The following FAM13C variants were observed in gnomAD, a reference collection of about 807,000 sequenced individuals.
FAM13C encodes family with sequence similarity 13 member C.
Under a neutral mutation model 73.2 loss-of-function variants are expected in FAM13C, and 37 were observed. That is an observed-to-expected ratio of 0.51 (90% CI 0.39 to 0.67). The LOEUF is 0.67. Among genes scored for constraint, FAM13C ranks in the 30% least tolerant of loss-of-function variants. The pLI, the probability that FAM13C is intolerant of heterozygous loss-of-function variation, is 0.00. For missense variants in FAM13C, 589 were observed against 715.6 expected, an observed-to-expected ratio of 0.82 and a Z score of 2.02; for synonymous variants, 246 against 260.9, an observed-to-expected ratio of 0.94 and a Z score of 0.55.
At chr10:59,312,097 G>A (rs1357474497) in intron 4 of FAM13C, among the ~76,000 whole-genome samples, 1 of 151,096 alleles carries the variant, frequency 6.6e-6, no homozygotes, top group East Asian at 2.0e-4. Context: ...GGCACAGAGT[G>A]TCACAAGTGA....
chr10:59,276,763 T>C (rs962494805), intron 6 of FAM13C, among the ~76,000 whole-genome samples: 8 of 152,210 alleles, frequency 5.3e-5, no homozygotes, highest in African/African-American at 1.9e-4. Flanking sequence ...GATATGAAAA[T>C]ATATCTGGGT....
intron 11 of FAM13C, chr10:59,253,611 G>C (rs1174874007): frequency 6.6e-6 from 1 of 152,336 alleles, no homozygotes; most frequent in African/African-American, 2.4e-5. Context: ...CTTCCATAAA[G>C]GGAAAATTCC....
At chr10:59,293,600 A>G (rs993763767) in intron 5 of FAM13C, among the ~76,000 whole-genome samples, 4 of 152,190 alleles carry the variant, frequency 2.6e-5, no homozygotes, top group Admixed American at 1.3e-4. Flanking sequence ...TCAAATACTA[A>G]TATTTTGTAA....
chr10:59,272,370 C>A (rs936028758), intron 6 of FAM13C, among the ~76,000 whole-genome samples: 13 of 152,212 alleles, frequency 8.5e-5, no homozygotes. Flanking sequence ...TTAATTAAAT[C>A]AGCTGACACA....
intron 3 of FAM13C, among the ~76,000 whole-genome samples, chr10:59,328,154 T>G (rs436207): frequency 0.46 from 70,083 of 152,082 alleles, 17,525 homozygotes; most frequent in African/African-American, 0.67. Flanking sequence ...CCATCAAATT[T>G]ACTACATTCT....
intron 5 of FAM13C, among the ~76,000 whole-genome samples, chr10:59,292,158 A>T (rs1162505752): frequency 2.6e-5 from 4 of 152,188 alleles, no homozygotes; most frequent in Admixed American, 2.0e-4. Flanking sequence ...TGAAAATACA[A>T]TGTGTCTCAC....
chr10:59,349,326 A>C (rs1854719458), intron 3 of FAM13C, among the ~76,000 whole-genome samples: 1 of 152,238 alleles, frequency 6.6e-6, no homozygotes, highest in Non-Finnish European at 1.5e-5. Context: ...CAGACACTTT[A>C]AACAATTGAC....
At position 59,267,168 on chromosome 10, in the gene FAM13C, C is replaced by A. The variant is rs117091104; in HGVS notation, c.942+1385G>T. On this transcript the variant is annotated intron_variant, in intron 8 of 13. Coordinates refer to ENST00000618804, the MANE Select transcript of FAM13C (RefSeq NM_198215.4). ...GTGTTAACAGGTGCTGGGAATGGAG[C>A]CCCTGGTTGTTACTCTGTATTTTCC... Among the ~76,000 whole-genome samples, 28 of 152,296 alleles carry A rather than the reference C, an allele frequency of 1.8e-4. 1 individual carries two copies. The East Asian group carries it at 5.2e-3, about 28-fold the overall frequency.
intron 1 of FAM13C, among the ~76,000 whole-genome samples, chr10:59,358,516 A>C (rs1855995863): frequency 6.6e-6 from 1 of 152,220 alleles, no homozygotes; most frequent in African/African-American, 2.4e-5. Context: ...CAGCTAATAG[A>C]TCACCTGAGC....
At chr10:59,355,520 C>T (rs879516533) in intron 2 of FAM13C, among the ~76,000 whole-genome samples, 15 of 152,158 alleles carry the variant, frequency 9.9e-5, no homozygotes, top group Non-Finnish European at 1.8e-4. Context: ...GGTTTTTCCA[C>T]GATACTATAA....
At chr10:59,252,270 C>G (rs1489128956) in intron 12 of FAM13C, among the ~76,000 whole-genome samples, 1 of 152,114 alleles carries the variant, frequency 6.6e-6, no homozygotes, top group Non-Finnish European at 1.5e-5. Flanking sequence ...TTCAGAGATT[C>G]TGTGAACTTG....
In FAM13C at chr10:59,361,462, A is replaced by G. The variant is rs185451511; in HGVS notation, c.62+937T>C. Among the ~76,000 whole-genome samples, 529 of 152,270 alleles carry G rather than the reference A, an allele frequency of 3.5e-3. 1 individual carries two copies. Among genetic ancestry groups the G allele is most frequent in the Admixed American group, 5.4e-3 (82 of 15,280 alleles). ...TAGTTAAGCCTTCTACATCAAACTC[A>G]TAACATTTTTTAAATGTAGTTGAGG... On this transcript the variant is annotated intron_variant, in intron 1 of 13. Transcript: ENST00000618804.
intron 5 of FAM13C, among the ~76,000 whole-genome samples, chr10:59,294,166 G>A (rs1435246381): frequency 1.3e-5 from 2 of 152,136 alleles, no homozygotes; most frequent in African/African-American, 2.4e-5. Flanking sequence ...TTATACTTTT[G>A]CCAAAAAGCA....
chr10:59,333,782 A>C (rs1415960654), intron 3 of FAM13C, among the ~76,000 whole-genome samples: 2 of 152,172 alleles, frequency 1.3e-5, no homozygotes, highest in Non-Finnish European at 2.9e-5. Flanking sequence ...AAAAATCCAA[A>C]TTTACCATCA....
intron 3 of FAM13C, among the ~76,000 whole-genome samples, chr10:59,348,064 C>T (rs548512126): frequency 1.3e-5 from 2 of 152,254 alleles, no homozygotes; most frequent in African/African-American, 4.8e-5. Context: ...TGAAGAGCCA[C>T]TCTGAGGTCC....
intron 5 of FAM13C, among the ~76,000 whole-genome samples, chr10:59,301,781 A>C (rs1847633336): frequency 6.6e-6 from 1 of 152,200 alleles, no homozygotes; most frequent in Non-Finnish European, 1.5e-5. Context: ...GCCTGTCTGT[A>C]TGCACACACA....
At chr10:59,293,069 CTTTTTTTT>C (rs148715812) in intron 5 of FAM13C, among the ~76,000 whole-genome samples, 1 of 109,538 alleles carries the variant, frequency 9.1e-6, no homozygotes, top group Non-Finnish European at 1.7e-5. Context: ...TTTTCTTTTT[CTTTTTTTT>C]TTTTTTTTTT....
At chr10:59,289,090 G>T (rs889956832) in intron 5 of FAM13C, among the ~76,000 whole-genome samples, 1 of 152,188 alleles carries the variant, frequency 6.6e-6, no homozygotes, top group East Asian at 1.9e-4. Flanking sequence ...GATTGTTTTG[G>T]GATGAAACTG....
intron 4 of FAM13C, among the ~76,000 whole-genome samples, chr10:59,304,200 T>C (rs1184977706): frequency 6.6e-6 from 1 of 152,072 alleles, no homozygotes; most frequent in Non-Finnish European, 1.5e-5. Flanking sequence ...TTTTATGAGG[T>C]TGCTTGGTTT....
Sources: gnomAD v4.1 joint callset for allele counts (sites outside exome capture counted in the v4.1 genomes callset) on GRCh38, gnomAD v4.1.1 for gene constraint, MANE v1.5 for transcripts, NCBI Gene and HGNC (gene_info 2026-07-23, HGNC 2026-07-21) for gene names.